Variants in SYN3 observed in about 807,000 individuals in gnomAD.
SYN3 encodes the protein synapsin-3.
Under a neutral mutation model 65.8 loss-of-function variants are expected in SYN3, and 35 were observed. The ratio of observed to expected loss-of-function variants is 0.53; its 90% CI spans 0.41 to 0.70. SYN3 has a LOEUF of 0.70. SYN3 is among the 30% of genes least tolerant of loss of function. The pLI is 0.00. For synonymous variants in SYN3, 270 were observed against 292.9 expected, an observed-to-expected ratio of 0.92 and a Z score of 0.80; for missense variants, 680 against 749.0, an observed-to-expected ratio of 0.91 and a Z score of 1.08.
chr22:33,006,277 T>G, intron 2 of SYN3, 75 bp downstream of exon 2: 1 of 1,474,940 alleles, frequency 6.8e-7, no homozygotes, highest in Non-Finnish European at 9.1e-7. Context: ...TCCCCTTCTA[T>G]TTCCCCAGGA....
At chr22:32,986,964 A>C (rs1472543691) in intron 2 of SYN3, among the ~76,000 whole-genome samples, 1 of 152,092 alleles carries the variant, frequency 6.6e-6, no homozygotes. Flanking sequence ...AGTGTGTATG[A>C]GAGAGACTGA....
At chr22:32,560,075 G>A (rs561978692) in intron 7 of SYN3, among the ~76,000 whole-genome samples, 42 of 152,344 alleles carry the variant, frequency 2.8e-4, no homozygotes, top group African/African-American at 8.2e-4. Flanking sequence ...CCCAAGTGCT[G>A]GCAGGCCACT....
intron 4 of SYN3, among the ~76,000 whole-genome samples, chr22:32,895,026 C>T (rs2049552442): frequency 6.6e-6 from 1 of 152,064 alleles, no homozygotes; most frequent in Admixed American, 6.5e-5. Context: ...ACCATTCAGC[C>T]GTAGTTTACA....
chr22:32,802,167 G>C (rs765383451), intron 6 of SYN3: 5 of 1,557,148 alleles, frequency 3.2e-6, no homozygotes, highest in Non-Finnish European at 4.3e-6. Flanking sequence ...CTGCAGCCAG[G>C]ACTGCAGCGC....
chr22:32,752,564 A>G (rs967424589), intron 6 of SYN3, among the ~76,000 whole-genome samples: 19 of 152,110 alleles, frequency 1.2e-4, no homozygotes, highest in Non-Finnish European at 4.4e-5. Flanking sequence ...TCTACGACTC[A>G]CCGCATTTGT....
chr22:32,943,129 C>T (rs2146771603), intron 3 of SYN3, among the ~76,000 whole-genome samples: 1 of 152,212 alleles, frequency 6.6e-6, no homozygotes, highest in South Asian at 2.1e-4. Context: ...AGAGCAACTC[C>T]AAGACACATA....
At chr22:33,013,038 C>T (rs779921025) in intron 1 of SYN3, among the ~76,000 whole-genome samples, 3 of 152,076 alleles carry the variant, frequency 2.0e-5, no homozygotes, top group Non-Finnish European at 2.9e-5. Flanking sequence ...GGAACTGAGC[C>T]CCTTCCATTT....
chr22:32,624,664 C>CT (rs1435060918), intron 6 of SYN3, among the ~76,000 whole-genome samples: 1 of 152,192 alleles, frequency 6.6e-6, no homozygotes, highest in African/African-American at 2.4e-5. Flanking sequence ...TGGGCTGGGC[C>CT]TTTGGTCGCT....
chr22:32,883,646 C>G (rs781590696), intron 4 of SYN3, among the ~76,000 whole-genome samples: 11 of 152,212 alleles, frequency 7.2e-5, no homozygotes, highest in African/African-American at 9.6e-5. Context: ...TTGGAATGTG[C>G]AGCCAAGGCT....
intron 6 of SYN3, among the ~76,000 whole-genome samples, chr22:32,736,529 A>AT (rs949272527): frequency 2.0e-5 from 3 of 152,118 alleles, no homozygotes; most frequent in East Asian, 1.9e-4. Flanking sequence ...GCTTTGTATA[A>AT]TTTTTTTTCT....
chr22:32,929,176 G>A (rs766256699), intron 4 of SYN3, among the ~76,000 whole-genome samples: 1 of 152,108 alleles, frequency 6.6e-6, no homozygotes, highest in Non-Finnish European at 1.5e-5. Flanking sequence ...CAGCTACCCG[G>A]GAGGCTGAGG....
chr22:32,642,450 T>TA (rs1569116975), intron 6 of SYN3, among the ~76,000 whole-genome samples: 4 of 151,900 alleles, frequency 2.6e-5, no homozygotes, highest in Non-Finnish European at 4.4e-5. Flanking sequence ...TTATTTTATT[T>TA]TTTTAATTGA....
At chr22:32,965,952 C>T (rs1421822029) in intron 3 of SYN3, among the ~76,000 whole-genome samples, 1 of 152,186 alleles carries the variant, frequency 6.6e-6, no homozygotes, top group East Asian at 1.9e-4. Flanking sequence ...CCTTGGCCTC[C>T]CAAAGTGCTG....
intron 4 of SYN3, among the ~76,000 whole-genome samples, chr22:32,879,086 C>T (rs953324345): frequency 6.6e-6 from 1 of 152,092 alleles, no homozygotes; most frequent in South Asian, 2.1e-4. Context: ...CACACACACA[C>T]ACACTTTGAA....
intron 4 of SYN3, among the ~76,000 whole-genome samples, chr22:32,926,684 T>G (rs1040737939): frequency 6.6e-6 from 1 of 152,230 alleles, no homozygotes; most frequent in Non-Finnish European, 1.5e-5. Flanking sequence ...AACATTTAGA[T>G]TTTTTAAAAG....
intron 7 of SYN3, among the ~76,000 whole-genome samples, chr22:32,589,732 C>T (rs1342363539): frequency 6.6e-6 from 1 of 152,138 alleles, no homozygotes; most frequent in African/African-American, 2.4e-5. Context: ...TCTATCTTCC[C>T]ATGATAATCC....
intron 6 of SYN3, among the ~76,000 whole-genome samples, chr22:32,667,946 A>T (rs2060312725): frequency 1.3e-5 from 2 of 151,914 alleles, no homozygotes; most frequent in South Asian, 2.1e-4. Flanking sequence ...GGTGCCTACC[A>T]CCGTGCCCAG....
rs2057646727 is a variant in SYN3 at position 32,507,821 on chromosome 22, G to C, written c.*5871C>G. ...TTCAATTCATACAAAACCATATCCA[G>C]GCCGTCACCAATCATTCTACACAAC... On this transcript the variant is annotated 3_prime_UTR_variant, in exon 14 of 14. Transcript: ENST00000358763. Among the ~76,000 whole-genome samples, 1 of 151,776 alleles carries C rather than the reference G, an allele frequency of 6.6e-6. No homozygotes were observed.
intron 6 of SYN3, among the ~76,000 whole-genome samples, chr22:32,643,659 C>G (rs1321839457): frequency 6.7e-6 from 1 of 150,272 alleles, no homozygotes; most frequent in African/African-American, 2.5e-5. Flanking sequence ...ATGTTCAAAT[C>G]TCAATATTTC....
Sources: gnomAD v4.1 joint callset for allele counts (sites outside exome capture counted in the v4.1 genomes callset) on GRCh38, gnomAD v4.1.1 for gene constraint, MANE v1.5 for transcripts, NCBI Gene and HGNC (gene_info 2026-07-23, HGNC 2026-07-21) for gene names.